GALNT1: variants seen among roughly 807,000 people sequenced by gnomAD.
GALNT1 encodes the protein GalNAc transferase 1.
Under a neutral mutation model 65.7 loss-of-function variants are expected in GALNT1, and 17 were observed. The observed-to-expected ratio is 0.26, with a 90% confidence interval of 0.18 to 0.39. The LOEUF (loss-of-function observed/expected upper bound fraction) is 0.39, where lower values mean the gene tolerates loss of function less well. GALNT1 is among the 10% of genes least tolerant of loss of function. The pLI, the probability that GALNT1 is intolerant of heterozygous loss-of-function variation, is 1.00. For synonymous variants in GALNT1, 210 were observed against 219.7 expected (o/e 0.96, Z 0.39); for missense variants, 460 against 672.8 (o/e 0.68, Z 3.50).
Position 35,689,198 on chromosome 18 carries a change from T to C in GALNT1, c.886T>C (p.Phe296Leu). ...GACACCTACCATGGCAGGAGGCCTT[T>C]TTTCAATAGACAGAGATTACTTTCA... Reference protein sequence around the residue: ...VRTPTMAGGLFSIDRDYFQEI... With the variant: ...VRTPTMAGGLLSIDRDYFQEI... The change falls in exon 7 of 12, where the codon TTT (phenylalanine) becomes CTT (leucine). Residue 296 changes from phenylalanine (F) to leucine (L), a missense_variant. Transcript: ENST00000269195. 6.2e-7 allele frequency: 1 copy of C among 1,612,484 alleles called. No homozygotes were observed. Among genetic ancestry groups the C allele is most frequent in the Non-Finnish European group, 8.5e-7 (1 of 1,178,794 alleles).
At chr18:35,603,834 G>T (rs2046611757) in intron 1 of GALNT1, among the ~76,000 whole-genome samples, 2 of 152,070 alleles carry the variant, frequency 1.3e-5, no homozygotes, top group African/African-American at 4.8e-5. Context: ...AGTTTGAGGT[G>T]GAATTTCTGA....
At position 35,687,021 on chromosome 18, in the gene GALNT1, C is replaced by G. The variant is rs1407213480; in HGVS notation, c.695C>G (p.Thr232Arg). The G allele has an allele frequency of 1.2e-6, 2 of 1,608,964 alleles. No individual in the cohort carries two copies. Among genetic ancestry groups the G allele is most frequent in the Non-Finnish European group, 1.7e-6 (2 of 1,177,854 alleles). Residue 232 changes from threonine (T) to arginine (R), a missense_variant, in exon 6 of 12, where the codon ACA (threonine) becomes AGA (arginine). Transcript: ENST00000269195. The part of the protein sequence containing the change: ...LLARIKHDRR[T>R]VVCPIIDVIS... The stretch of plus-strand genomic sequence containing the variant: ...ACTTGCTTTTATGACATCAGGAGAA[C>G]AGTGGTGTGTCCCATCATCGATGTG...
intron 1 of GALNT1, among the ~76,000 whole-genome samples, chr18:35,628,592 G>T (rs979202938): frequency 6.6e-6 from 1 of 152,090 alleles, no homozygotes; most frequent in African/African-American, 2.4e-5. Flanking sequence ...AAGACCAAAG[G>T]TAGATAAAAC....
At chr18:35,668,953 TAC>T (rs1409483065) in intron 3 of GALNT1, among the ~76,000 whole-genome samples, 2 of 152,118 alleles carry the variant, frequency 1.3e-5, no homozygotes, top group Admixed American at 6.5e-5. Context: ...TTAAAAGCAT[TAC>T]ACACAGCCGG....
At chr18:35,661,960 G>A (rs937601764) in intron 2 of GALNT1, among the ~76,000 whole-genome samples, 1 of 152,000 alleles carries the variant, frequency 6.6e-6, no homozygotes, top group Admixed American at 6.6e-5. Context: ...TACTCTTTAT[G>A]TTATCTGTGC....
intron 1 of GALNT1, among the ~76,000 whole-genome samples, chr18:35,600,340 G>A (rs1276927560): frequency 1.3e-5 from 2 of 152,054 alleles, no homozygotes; most frequent in African/African-American, 4.8e-5. Context: ...ATGTTGGTGT[G>A]TATTAATGTT....
At chr18:35,632,866 C>A (rs922786780) in intron 1 of GALNT1, among the ~76,000 whole-genome samples, 37 of 152,158 alleles carry the variant, frequency 2.4e-4, no homozygotes, top group Admixed American at 1.9e-3. Flanking sequence ...AAAAAACAAA[C>A]CCATCAACAA....
At chr18:35,601,517 G>GTTAGGTTTACTTGAGGAT (rs2046582506) in intron 1 of GALNT1, among the ~76,000 whole-genome samples, 2 of 151,850 alleles carry the variant, frequency 1.3e-5, no homozygotes, top group African/African-American at 4.8e-5. Flanking sequence ...TACTTGAGGA[G>GTTAGGTTTACTTGAGGAT]TATTGTTAGG....
intron 1 of GALNT1, among the ~76,000 whole-genome samples, chr18:35,588,067 C>CT (rs2046398163): frequency 1.3e-5 from 2 of 152,136 alleles, no homozygotes; most frequent in East Asian, 3.8e-4. Flanking sequence ...AGAATATGGT[C>CT]TGTCTGTGGG....
intron 11 of GALNT1, among the ~76,000 whole-genome samples, chr18:35,707,864 A>G (rs890433022): frequency 6.6e-6 from 1 of 152,214 alleles, no homozygotes; most frequent in African/African-American, 2.4e-5. Flanking sequence ...ACTGGCAGCA[A>G]TGTGCACGCT....
chr18:35,627,566 G>C (rs896494088), intron 1 of GALNT1: 1 of 152,170 alleles, frequency 6.6e-6, no homozygotes, highest in Non-Finnish European at 1.5e-5. Flanking sequence ...AGCTTCTTAG[G>C]TTTTAAAAAT....
chr18:35,654,699 A>G lies in GALNT1; in HGVS notation c.37A>G (p.Thr13Ala). Residue 13 changes from threonine (T) to alanine (A), a missense_variant, in exon 2 of 12, where the codon ACC becomes GCC. By Grantham distance (58) the Thr-to-Ala change is moderately conservative. Transcript: ENST00000269195. ...KFAYCKVVLA[T>A]SLIWVLLDMF... The stretch of plus-strand genomic sequence containing the variant: ...TGCATACTGCAAGGTGGTCCTAGCC[A>G]CCTCCTTGATTTGGGTACTCTTGGA... 1 of 1,562,956 alleles carries G rather than the reference A, an allele frequency of 6.4e-7. No homozygotes were observed. The highest frequency in any genetic ancestry group is 8.7e-7 in the Non-Finnish European group (1 of 1,151,474).
chr18:35,627,459 T>C (rs546598401), intron 1 of GALNT1: 2 of 152,204 alleles, frequency 1.3e-5, no homozygotes, highest in Admixed American at 6.5e-5. Context: ...ATTTGGGATA[T>C]GAATTCATTT....
intron 5 of GALNT1, 51 bp downstream of exon 5, chr18:35,683,649 A>G (rs772647107): frequency 1.0e-5 from 14 of 1,391,664 alleles, no homozygotes; most frequent in South Asian, 1.4e-5. Context: ...GTCCTAAACT[A>G]TATGGTGAGT....
intron 6 of GALNT1, among the ~76,000 whole-genome samples, chr18:35,687,705 A>AT (rs1037759793): frequency 6.6e-6 from 1 of 151,902 alleles, no homozygotes; most frequent in African/African-American, 2.4e-5. Context: ...TTATTCTCTG[A>AT]TTTTTTTTCT....
chr18:35,586,780 A>C (rs765254781), intron 1 of GALNT1, among the ~76,000 whole-genome samples: 5 of 152,018 alleles, frequency 3.3e-5, no homozygotes, highest in African/African-American at 1.2e-4. Context: ...TTCCTCCTAC[A>C]CTTTTTTTCC....
chr18:35,666,897 G>A (rs907736926), intron 3 of GALNT1, among the ~76,000 whole-genome samples: 6 of 151,944 alleles, frequency 3.9e-5, no homozygotes, highest in Non-Finnish European at 8.8e-5. Flanking sequence ...CTACCACTGA[G>A]TAGCCTTTTT....
chr18:35,643,144 C>T (rs1438293702), intron 1 of GALNT1, among the ~76,000 whole-genome samples: 1 of 151,992 alleles, frequency 6.6e-6, no homozygotes, highest in Admixed American at 6.6e-5. Flanking sequence ...AGCCCGGCAG[C>T]CACTTCTGTT....
intron 1 of GALNT1, among the ~76,000 whole-genome samples, chr18:35,612,491 A>G (rs919493992): frequency 1.3e-5 from 2 of 152,226 alleles, no homozygotes; most frequent in African/African-American, 4.8e-5. Flanking sequence ...TTTTGAACAA[A>G]TAGCATCATA....
Sources: allele counts gnomAD v4.1 joint callset (sites outside exome capture counted in the v4.1 genomes callset), GRCh38; gene constraint gnomAD v4.1.1; transcripts MANE v1.5; gene names NCBI Gene and HGNC (gene_info 2026-07-23, HGNC 2026-07-21).